Variants in RCAN2 observed in about 807,000 individuals in gnomAD.
RCAN2 encodes regulator of calcineurin 2, also known as calcipressin-2.
RCAN2 carries 9 observed loss-of-function variants against 23.6 expected under a neutral mutation model. That is an observed-to-expected ratio of 0.38 (90% CI 0.23 to 0.67). The LOEUF is 0.67. Among genes scored for constraint, RCAN2 ranks in the 30% least tolerant of loss-of-function variants. The pLI is 0.51. For missense variants in RCAN2, 273 were observed against 302.3 expected (o/e 0.90, Z 0.72); for synonymous variants, 109 against 115.7 (o/e 0.94, Z 0.37).
intron 2 of RCAN2, among the ~76,000 whole-genome samples, chr6:46,414,849 T>C (rs1188049684): frequency 6.6e-6 from 1 of 152,234 alleles, no homozygotes; most frequent in Non-Finnish European, 1.5e-5. Context: ...TCTGTTTCTC[T>C]ATTGAGAACT....
chr6:46,309,225 CA>C, intron 2 of RCAN2, among the ~76,000 whole-genome samples: 1 of 152,282 alleles, frequency 6.6e-6, no homozygotes, highest in African/African-American at 2.4e-5. Context: ...CCCTCATTGC[CA>C]TTTCATAGAT....
At chr6:46,225,063 G>A (rs1313223269) in intron 4 of RCAN2, among the ~76,000 whole-genome samples, 3 of 152,040 alleles carry the variant, frequency 2.0e-5, no homozygotes, top group Non-Finnish European at 1.5e-5. Flanking sequence ...ATAGTTTGCT[G>A]AGAATGATGG....
intron 2 of RCAN2, among the ~76,000 whole-genome samples, chr6:46,425,652 G>T (rs1024025664): frequency 6.6e-6 from 1 of 151,604 alleles, no homozygotes; most frequent in African/African-American, 2.4e-5. Flanking sequence ...TTACAGTTTG[G>T]AACTACATAA....
intron 1 of RCAN2, among the ~76,000 whole-genome samples, chr6:46,466,411 T>C (rs910071342): frequency 6.6e-6 from 1 of 152,074 alleles, no homozygotes; most frequent in Non-Finnish European, 1.5e-5. Context: ...AAAGATGGAC[T>C]AGAAGGCTGC....
At chr6:46,418,621 G>A (rs1766776780) in intron 2 of RCAN2, among the ~76,000 whole-genome samples, 1 of 150,202 alleles carries the variant, frequency 6.7e-6, no homozygotes, top group South Asian at 2.1e-4. Context: ...ATCCACTCTG[G>A]GGGAGTGGCT....
At chr6:46,381,467 A>G (rs1055009739) in intron 2 of RCAN2, among the ~76,000 whole-genome samples, 2 of 152,218 alleles carry the variant, frequency 1.3e-5, no homozygotes, top group Non-Finnish European at 1.5e-5. Flanking sequence ...GAGAATGAAC[A>G]GGAGATGAGC....
intron 1 of RCAN2, among the ~76,000 whole-genome samples, chr6:46,474,664 G>A (rs1292354302): frequency 6.6e-6 from 1 of 152,174 alleles, no homozygotes; most frequent in African/African-American, 2.4e-5. Context: ...AGTAGGTTTT[G>A]GGAAAGGAGG....
chr6:46,336,508 A>G (rs4714926), intron 2 of RCAN2, among the ~76,000 whole-genome samples: 64,398 of 152,122 alleles, frequency 0.42, 15,041 homozygotes, highest in East Asian at 0.6. Context: ...AAGGTGAATC[A>G]AAGCCTTGTA....
intron 2 of RCAN2, among the ~76,000 whole-genome samples, chr6:46,435,728 A>G (rs1767344897): frequency 6.6e-6 from 1 of 152,230 alleles, no homozygotes; most frequent in Non-Finnish European, 1.5e-5. Context: ...AACTGATGCA[A>G]CGACAGAATG....
intron 4 of RCAN2, among the ~76,000 whole-genome samples, chr6:46,245,127 C>G (rs985242752): frequency 1.3e-5 from 2 of 152,200 alleles, no homozygotes; most frequent in African/African-American, 4.8e-5. Flanking sequence ...TCATATTTCA[C>G]TAACATCTCT....
At chr6:46,256,735 A>G (rs1402214052) in intron 2 of RCAN2, among the ~76,000 whole-genome samples, 1 of 152,198 alleles carries the variant, frequency 6.6e-6, no homozygotes, top group African/African-American at 2.4e-5. Flanking sequence ...GCTTATAAAG[A>G]TATATTATGG....
chr6:46,333,515 T>C (rs1277168151), intron 2 of RCAN2, among the ~76,000 whole-genome samples: 1 of 152,212 alleles, frequency 6.6e-6, no homozygotes, highest in African/African-American at 2.4e-5. Context: ...TACTGTATCT[T>C]TGGGACACAT....
chr6:46,405,332 G>C (rs192949790), intron 2 of RCAN2, among the ~76,000 whole-genome samples: 1 of 152,162 alleles, frequency 6.6e-6, no homozygotes, highest in African/African-American at 2.4e-5. Flanking sequence ...AGCTTCCACA[G>C]GGTGGAAGGG....
At chr6:46,247,405 C>T (rs902134444) in intron 3 of RCAN2, among the ~76,000 whole-genome samples, 4 of 152,204 alleles carry the variant, frequency 2.6e-5, no homozygotes, top group Non-Finnish European at 4.4e-5. Context: ...ACATTCCTAA[C>T]CTGCAACAAC....
intron 2 of RCAN2, among the ~76,000 whole-genome samples, chr6:46,314,462 A>G (rs185986843): frequency 6.6e-6 from 1 of 151,970 alleles, no homozygotes; most frequent in East Asian, 1.9e-4. Flanking sequence ...GTGTAGGTGT[A>G]TATGGCCGAA....
intron 2 of RCAN2, among the ~76,000 whole-genome samples, chr6:46,454,113 C>T (rs1296837797): frequency 6.6e-6 from 1 of 152,170 alleles, no homozygotes; most frequent in Admixed American, 6.5e-5. Flanking sequence ...AAATATCTCC[C>T]CACCAACTTA....
intron 2 of RCAN2, among the ~76,000 whole-genome samples, chr6:46,323,785 A>T (rs2150363399): frequency 6.6e-6 from 1 of 152,342 alleles, no homozygotes; most frequent in East Asian, 1.9e-4. Context: ...GGTTATTTTT[A>T]TAGCTATATC....
chr6:46,314,105 T>G (rs1263850727), intron 2 of RCAN2, among the ~76,000 whole-genome samples: 1 of 152,090 alleles, frequency 6.6e-6, no homozygotes, highest in African/African-American at 2.4e-5. Context: ...CTGATGCCTG[T>G]AATCCCAACA....
At chr6:46,338,485 C>T (rs1311604856) in intron 2 of RCAN2, among the ~76,000 whole-genome samples, 2 of 152,166 alleles carry the variant, frequency 1.3e-5, no homozygotes, top group Non-Finnish European at 2.9e-5. Flanking sequence ...TTCATGGCCT[C>T]TTTGTGGCAT....
Sources: allele counts gnomAD v4.1 joint callset (sites outside exome capture counted in the v4.1 genomes callset), GRCh38; gene constraint gnomAD v4.1.1; transcripts MANE v1.5; gene names NCBI Gene and HGNC (gene_info 2026-07-23, HGNC 2026-07-21).